Variants in GABRB2 observed in about 807,000 individuals in gnomAD.
The protein encoded by GABRB2 is gamma-aminobutyric acid receptor subunit beta-2.
A neutral mutation model predicts 54.7 loss-of-function variants in GABRB2; 16 were observed. That is an observed-to-expected ratio of 0.29 (90% CI 0.20 to 0.44). The LOEUF is 0.44. GABRB2 is among the 20% of genes least tolerant of loss of function. GABRB2 has a pLI of 1.00. For synonymous variants in GABRB2, 244 were observed against 233.8 expected, an observed-to-expected ratio of 1.04 and a Z score of -0.40; for missense variants, 355 against 644.0, an observed-to-expected ratio of 0.55 and a Z score of 4.86.
At chr5:161,434,645 G>A (rs1030724279) in intron 4 of GABRB2, among the ~76,000 whole-genome samples, 1 of 151,924 alleles carries the variant, frequency 6.6e-6, no homozygotes, top group African/African-American at 2.4e-5. Flanking sequence ...TCTTTAAGTT[G>A]TCCCCTATGT....
chr5:161,439,039 G>C (rs1211000334), intron 4 of GABRB2, among the ~76,000 whole-genome samples: 1 of 152,082 alleles, frequency 6.6e-6, no homozygotes, highest in East Asian at 1.9e-4. Context: ...TAATATCCAA[G>C]TACAAGAAGG....
Position 161,502,416 on chromosome 5 carries a change from T to C in GABRB2, c.238-42572A>G, listed in dbSNP as rs184512560. 1.7e-3 allele frequency among the ~76,000 whole-genome samples: 263 copies of C among 152,286 alleles called. 1 individual carries two copies. The highest frequency in any genetic ancestry group is 6.0e-3 in the African/African-American group (251 of 41,562). Reference sequence around the variant, plus strand: ...GAATTGGGCTAATCTACAAATCTAATGTTATCTTGGATGAGCAATACGAGA... The same window carrying C: ...GAATTGGGCTAATCTACAAATCTAACGTTATCTTGGATGAGCAATACGAGA... On this transcript the variant is annotated intron_variant, in intron 3 of 9. Transcript: ENST00000393959.
chr5:161,336,021 C>T (rs1486639649), intron 6 of GABRB2, among the ~76,000 whole-genome samples: 1 of 152,072 alleles, frequency 6.6e-6, no homozygotes, highest in Non-Finnish European at 1.5e-5. Flanking sequence ...CTTTCCTCAG[C>T]TTTATTGCTA....
rs543068704 is a variant in GABRB2, at chr5:161,538,561, G to A, written c.237+6666C>T. ...GCCTACCTGGGCGGTGGTGGCTCACGCCTATAATCCCAGCACTCTGGGAGG... is the reference window on the plus strand; with the variant it reads ...GCCTACCTGGGCGGTGGTGGCTCACACCTATAATCCCAGCACTCTGGGAGG... On this transcript the variant is annotated intron_variant, in intron 3 of 9. Coordinates refer to ENST00000393959, the MANE Select transcript of GABRB2 (RefSeq NM_001371727.1). Among the ~76,000 whole-genome samples the A allele has an allele frequency of 2.6e-5, 4 of 152,298 alleles. No homozygotes were observed. The South Asian group carries it at 6.2e-4, about 24-fold the overall frequency.
intron 6 of GABRB2, among the ~76,000 whole-genome samples, chr5:161,335,792 T>G (rs1177900660): frequency 6.6e-6 from 1 of 152,300 alleles, no homozygotes; most frequent in African/African-American, 2.4e-5. Context: ...TTTGTCGTTG[T>G]TGTTTTAAAG....
intron 8 of GABRB2, among the ~76,000 whole-genome samples, chr5:161,327,441 T>C (rs554338263): frequency 7.9e-5 from 12 of 152,212 alleles, no homozygotes; most frequent in African/African-American, 2.4e-4. Flanking sequence ...TGGAGAAGGA[T>C]AGAAAAATCC....
chr5:161,374,510 C>G (rs1170459641), intron 5 of GABRB2, among the ~76,000 whole-genome samples: 1 of 152,170 alleles, frequency 6.6e-6, no homozygotes, highest in Non-Finnish European at 1.5e-5. Context: ...AAGATCCAAT[C>G]ATTTCTTACA....
Position 161,294,003 on chromosome 5 carries a change from G to A in GABRB2, c.*78C>T. 8.9e-7 allele frequency: 1 copy of A among 1,121,804 alleles called. No homozygotes were observed. The allele number at this position is 1,121,804 out of a possible 1,614,324, so 69.5% of individuals were successfully genotyped here. On this transcript the variant is annotated 3_prime_UTR_variant, in exon 10 of 10. Coordinates refer to ENST00000393959, the MANE Select transcript of GABRB2 (RefSeq NM_001371727.1). ...CGTCACTTTTGTCCTGGATTGATGT[G>A]TTTTCCAAGTCCTACATCAGGCTGT...
At chr5:161,475,427 A>G (rs1053342923) in intron 3 of GABRB2, among the ~76,000 whole-genome samples, 47 of 151,964 alleles carry the variant, frequency 3.1e-4, no homozygotes, top group African/African-American at 1.1e-3. Flanking sequence ...AATCCTCTCC[A>G]ATCTCATCCA....
chr5:161,445,209 A>C (rs535166292), intron 4 of GABRB2, among the ~76,000 whole-genome samples: 10 of 152,150 alleles, frequency 6.6e-5, no homozygotes, highest in Non-Finnish European at 1.5e-4. Flanking sequence ...ATAGTAAACA[A>C]ATACATAATG....
rs188858866 is a variant in GABRB2, at chr5:161,351,005, T to G, written c.542-14236A>C. On this transcript the variant is annotated intron_variant, in intron 5 of 9. Coordinates refer to ENST00000393959, the MANE Select transcript of GABRB2 (RefSeq NM_001371727.1). ...CGGCCTACTGTGGGACTTCCCCTTG[T>G]GATTATGTGAGTCAATTCTCCTAAT... Among the ~76,000 whole-genome samples the G allele has an allele frequency of 4.6e-3, 701 of 152,208 alleles. 4 individuals are homozygous for G. The highest frequency in any genetic ancestry group is 0.016 in the African/African-American group (677 of 41,560).
chr5:161,376,178 C>T (rs1031962483), intron 5 of GABRB2, among the ~76,000 whole-genome samples: 2 of 152,136 alleles, frequency 1.3e-5, no homozygotes, highest in African/African-American at 4.8e-5. Context: ...CACAAAGGCA[C>T]AGCCTCATCC....
intron 5 of GABRB2, among the ~76,000 whole-genome samples, chr5:161,371,481 A>G (rs1013352772): frequency 1.3e-5 from 2 of 152,128 alleles, no homozygotes; most frequent in Admixed American, 1.3e-4. Context: ...TTGAATTTCT[A>G]TGAAAAGAAA....
At chr5:161,526,846 A>G (rs1388738452) in intron 3 of GABRB2, among the ~76,000 whole-genome samples, 1 of 151,496 alleles carries the variant, frequency 6.6e-6, no homozygotes, top group Non-Finnish European at 1.5e-5. Flanking sequence ...GGAGAAAACT[A>G]AAATTTTACC....
intron 3 of GABRB2, among the ~76,000 whole-genome samples, chr5:161,474,644 C>T (rs965165619): frequency 2.6e-5 from 4 of 151,816 alleles, no homozygotes; most frequent in Non-Finnish European, 5.9e-5. Context: ...TCCCCTTTTG[C>T]TTTATTGCTC....
intron 3 of GABRB2, among the ~76,000 whole-genome samples, chr5:161,472,894 T>A (rs1758486239): frequency 2.0e-5 from 3 of 151,680 alleles, no homozygotes; most frequent in Admixed American, 6.6e-5. Context: ...AAAAATTAAC[T>A]TTTTTTTCAG....
chr5:161,334,555 A>G (rs1392257543), intron 7 of GABRB2, among the ~76,000 whole-genome samples, 197 bp downstream of exon 7: 1 of 152,222 alleles, frequency 6.6e-6, no homozygotes, highest in African/African-American at 2.4e-5. Context: ...TAATACTGAC[A>G]TGAAAGAGCT....
chr5:161,294,024 G>C lies in GABRB2; in HGVS notation c.*57C>G, dbSNP rs1757305357. On this transcript the variant is annotated 3_prime_UTR_variant, in exon 10 of 10. Transcript: ENST00000393959. ...ATGTGTTTTCCAAGTCCTACATCAG[G>C]CTGTACAACTGGTTTGAGGAGGAAT... is the stretch of plus-strand genomic sequence containing the variant. 1 of 1,311,586 alleles carries C rather than the reference G, an allele frequency of 7.6e-7. No homozygotes were observed. Among genetic ancestry groups the C allele is most frequent in the Admixed American group, 1.8e-5 (1 of 54,718 alleles). 81.2% of individuals were successfully genotyped at this position (1,311,586 alleles called of 1,614,324 possible).
chr5:161,363,477 T>C (rs1754879488), intron 5 of GABRB2, among the ~76,000 whole-genome samples: 2 of 152,116 alleles, frequency 1.3e-5, no homozygotes, highest in Admixed American at 1.3e-4. Context: ...TGTATACCTA[T>C]GTAACAAACC....
Sources: allele counts gnomAD v4.1 joint callset (sites outside exome capture counted in the v4.1 genomes callset), GRCh38; gene constraint gnomAD v4.1.1; transcripts MANE v1.5; gene names NCBI Gene and HGNC (gene_info 2026-07-23, HGNC 2026-07-21).